The following GDA variants were observed in gnomAD, a reference collection of about 807,000 sequenced individuals.
GDA encodes guanine deaminase, also known as cytoplasmic PSD-95 interactor.
Under a neutral mutation model 59.6 loss-of-function variants are expected in GDA, and 18 were observed. The ratio of observed to expected loss-of-function variants is 0.30; its 90% CI spans 0.21 to 0.45. GDA has a LOEUF of 0.45. Among genes scored for constraint, GDA ranks in the 20% least tolerant of loss-of-function variants. The pLI is 1.00. For missense variants in GDA, 427 were observed against 552.3 expected (o/e 0.77, Z 2.27); for synonymous variants, 201 against 201.1 (o/e 1.00, Z 0.00).
chr9:72,142,763 TTTTATTTA>T (rs942143388), intron 1 of GDA, among the ~76,000 whole-genome samples: 14 of 152,108 alleles, frequency 9.2e-5, no homozygotes, highest in Admixed American at 6.5e-4. Flanking sequence ...ATACCTTTTA[TTTTATTTA>T]TTTATTTATT....
intron 1 of GDA, among the ~76,000 whole-genome samples, chr9:72,161,080 G>A (rs932192214): frequency 8.4e-6 from 1 of 118,658 alleles, no homozygotes; most frequent in Admixed American, 8.4e-5. Flanking sequence ...TTTTTTTTTT[G>A]TATTTTTAGT....
intron 7 of GDA, among the ~76,000 whole-genome samples, chr9:72,223,992 G>T (rs1033026945): frequency 1.3e-5 from 2 of 152,010 alleles, no homozygotes; most frequent in African/African-American, 4.8e-5. Context: ...ACCATTAACC[G>T]CTCTCACCTT....
chr9:72,238,035 G>A (rs770712085), intron 10 of GDA, among the ~76,000 whole-genome samples: 11 of 152,104 alleles, frequency 7.2e-5, no homozygotes, highest in South Asian at 2.1e-4. Context: ...CCTTGTGCTC[G>A]TCACCCTTCA....
intron 1 of GDA, among the ~76,000 whole-genome samples, chr9:72,137,787 C>T (rs1201771742): frequency 1.3e-5 from 2 of 151,900 alleles, no homozygotes; most frequent in Admixed American, 6.6e-5. Flanking sequence ...CCACCTTCAA[C>T]TGTTACAACC....
chr9:72,155,015 A>G (rs557298616), intron 1 of GDA, among the ~76,000 whole-genome samples: 41 of 152,176 alleles, frequency 2.7e-4, no homozygotes, highest in Non-Finnish European at 5.1e-4. Flanking sequence ...AACTTGAACT[A>G]GTTAGGGGAA....
chr9:72,250,390 G>A lies in GDA; in HGVS notation c.*2048G>A, dbSNP rs1840567346. ...AATATAAATAAGTGTAGCATCAGAAGCAGTAGGAATGGCCGTATACAACCA... is the reference window on the plus strand; with the variant it reads ...AATATAAATAAGTGTAGCATCAGAAACAGTAGGAATGGCCGTATACAACCA... On this transcript the variant is annotated 3_prime_UTR_variant, in exon 14 of 14. Transcript: ENST00000358399. The A allele has an allele frequency of 8.9e-7, 1 of 1,127,168 alleles. No individual in the cohort carries two copies. The highest frequency in any genetic ancestry group is 1.1e-6 in the Non-Finnish European group (1 of 917,150). The allele number at this position is 1,127,168 out of a possible 1,614,324, so 69.8% of individuals were successfully genotyped here.
chr9:72,168,073 C>T (rs1829525661), intron 1 of GDA, among the ~76,000 whole-genome samples: 1 of 152,058 alleles, frequency 6.6e-6, no homozygotes, highest in Admixed American at 6.6e-5. Flanking sequence ...TGAGGAATGG[C>T]TAAATAAGGA....
intron 1 of GDA, among the ~76,000 whole-genome samples, chr9:72,173,147 G>A (rs1002090108): frequency 1.3e-5 from 2 of 152,102 alleles, no homozygotes; most frequent in Non-Finnish European, 2.9e-5. Flanking sequence ...TGTCAACAGG[G>A]CTACAGTCTC....
At chr9:72,125,647 G>T (rs1305286334) in intron 1 of GDA, among the ~76,000 whole-genome samples, 1 of 152,088 alleles carries the variant, frequency 6.6e-6, no homozygotes, top group Non-Finnish European at 1.5e-5. Flanking sequence ...TGATATAGTG[G>T]TATCAATATT....
intron 3 of GDA, among the ~76,000 whole-genome samples, chr9:72,210,257 T>G (rs1752352102): frequency 6.6e-6 from 1 of 152,228 alleles, no homozygotes; most frequent in African/African-American, 2.4e-5. Context: ...TACTGTCATG[T>G]TTGTTGTAGT....
chr9:72,196,705 A>G (rs1833232994), intron 2 of GDA, among the ~76,000 whole-genome samples: 1 of 152,076 alleles, frequency 6.6e-6, no homozygotes. Context: ...TAAGCCCCAC[A>G]TGCATTAGAT....
chr9:72,216,405 T>C lies in GDA; in HGVS notation c.578+2414T>C, dbSNP rs535894861. ...ACCAAGGCCATATGAGAACTTGTCC[T>C]GCACCAAATAGTGGAAACAACCAAA... On this transcript the variant is annotated intron_variant, in intron 5 of 13. Coordinates refer to ENST00000358399, the MANE Select transcript of GDA (RefSeq NM_004293.5). 4.6e-5 allele frequency among the ~76,000 whole-genome samples: 7 copies of C among 152,340 alleles called. No individual in the cohort carries two copies. In the South Asian group the frequency reaches 1.0e-3, roughly 23 times the overall value.
intron 6 of GDA, among the ~76,000 whole-genome samples, chr9:72,220,966 C>T (rs550007062): frequency 6.2e-4 from 94 of 152,366 alleles, no homozygotes; most frequent in African/African-American, 2.2e-3. Flanking sequence ...ATCTCTTAGA[C>T]TGGCAAGCCT....
At chr9:72,192,255 A>C in intron 1 of GDA, among the ~76,000 whole-genome samples, 2 of 66,406 alleles carry the variant, frequency 3.0e-5, no homozygotes, top group African/African-American at 1.4e-4. Flanking sequence ...TTTTTTTGAG[A>C]ACGAGTCTCA....
chr9:72,118,875 A>G (rs1404706079), intron 1 of GDA, among the ~76,000 whole-genome samples: 1 of 152,166 alleles, frequency 6.6e-6, no homozygotes. Flanking sequence ...CTGCTTTCCT[A>G]CGCCTCAGGA....
intron 1 of GDA, among the ~76,000 whole-genome samples, chr9:72,139,482 A>T (rs1041284467): frequency 3.3e-5 from 5 of 152,182 alleles, no homozygotes; most frequent in Non-Finnish European, 7.3e-5. Flanking sequence ...TGTAGTCTGT[A>T]GTCTGAGATC....
chr9:72,228,279 A>C (rs891457026), intron 9 of GDA: 4 of 443,348 alleles, frequency 9.0e-6, no homozygotes, highest in African/African-American at 2.0e-5. Flanking sequence ...GAGTTTGTAC[A>C]AAAAAAGGAC....
At chr9:72,203,914 T>A (rs976392178) in intron 3 of GDA, among the ~76,000 whole-genome samples, 3 of 152,036 alleles carry the variant, frequency 2.0e-5, no homozygotes, top group Admixed American at 6.6e-5. Flanking sequence ...CTGCCCAGAT[T>A]CAAGTGATTC....
At chr9:72,155,367 C>CGATA (rs1827771657) in intron 1 of GDA, among the ~76,000 whole-genome samples, 17 of 152,118 alleles carry the variant, frequency 1.1e-4, no homozygotes, top group African/African-American at 4.1e-4. Flanking sequence ...GGGTTCCTCC[C>CGATA]ACAACATGTG....
Sources: allele counts gnomAD v4.1 joint callset (sites outside exome capture counted in the v4.1 genomes callset), GRCh38; gene constraint gnomAD v4.1.1; transcripts MANE v1.5; gene names NCBI Gene and HGNC (gene_info 2026-07-23, HGNC 2026-07-21).